Variants in ARHGEF33 observed in about 807,000 individuals in gnomAD.
The protein encoded by ARHGEF33 is DH and coiled-coil domain-containing protein ENSP00000381780.
In ARHGEF33, 72 loss-of-function variants were observed where a neutral mutation model predicts 101.9. The ratio of observed to expected loss-of-function variants is 0.71; its 90% CI spans 0.58 to 0.86. The LOEUF (loss-of-function observed/expected upper bound fraction) is 0.86, where lower values mean the gene tolerates loss of function less well. ARHGEF33 is among the 40% of genes least tolerant of loss of function. The probability of loss-of-function intolerance (pLI) is 0.00; values close to 1 mark genes in which losing one functional copy is unlikely to be tolerated. For missense variants in ARHGEF33, 1,169 were observed against 1,111.3 expected (o/e 1.05, Z -0.74); for synonymous variants, 499 against 442.5 (o/e 1.13, Z -1.60).
In ARHGEF33 at chr2:38,960,575, G is replaced by T. The variant is rs1667904443; in HGVS notation, c.2270G>T (p.Arg757Leu). 2 of 1,290,984 alleles carry T rather than the reference G, an allele frequency of 1.5e-6. No homozygotes were observed. Among genetic ancestry groups the T allele is most frequent in the Non-Finnish European group, 1.0e-6 (1 of 1,000,942 alleles). 80.0% of individuals were successfully genotyped at this position (1,290,984 alleles called of 1,614,324 possible). The change falls in exon 16 of 18, where the codon CGC (arginine) becomes CTC (leucine). Residue 757 changes from arginine to leucine, a missense_variant. Physicochemically the swap from Arg to Leu is moderately radical, Grantham distance 102 (BLOSUM62 -2). Coordinates refer to ENST00000409978, the MANE Select transcript of ARHGEF33 (RefSeq NM_001145451.5). ...HGPAAAAVAA[R>L]GASRTFFPQQ... ...CCGGCCGCCGCCGCCGTCGCCGCCC[G>T]CGGCGCATCCAGGACCTTCTTCCCC...
At position 38,973,867 on chromosome 2, in the gene ARHGEF33, A is replaced by G. The variant is rs1668218034; in HGVS notation, c.*24A>G. The G allele has an allele frequency of 1.5e-5, 23 of 1,529,526 alleles. No individual in the cohort carries two copies. Among genetic ancestry groups the G allele is most frequent in the Non-Finnish European group, 2.0e-5 (23 of 1,136,534 alleles). 94.7% of individuals were successfully genotyped at this position (1,529,526 alleles called of 1,614,324 possible). A position where few individuals can be genotyped will look rare whatever the true frequency, so the allele number is the denominator to read the frequency against. ...AAAACATACTTAAAGTTGTATTGTC[A>G]AGTGGTAAGATGAGGATAAAAAGCT... On this transcript the variant is annotated 3_prime_UTR_variant, in exon 18 of 18. Transcript: ENST00000409978.
At position 38,960,450 on chromosome 2, in the gene ARHGEF33, G is replaced by C. The variant is rs150537996; in HGVS notation, c.2145G>C (p.Ala715=). 2.3e-4 allele frequency: 340 copies of C among 1,494,152 alleles called. 1 individual carries two copies. The African/African-American group carries it at 3.9e-3, about 17-fold the overall frequency. The allele number at this position is 1,494,152 out of a possible 1,614,324, so 92.6% of individuals were successfully genotyped here. The change falls in exon 16 of 18, where the codon GCG becomes GCC. Residue 715 remains alanine, a synonymous_variant. Transcript: ENST00000409978. ...LSRSLKEFPR[A]PPADGVAPRL... is the part of the protein sequence containing the mutation. ...GCTCTCTCAAAGAGTTCCCGCGTGC[G>C]CCGCCAGCCGACGGCGTGGCCCCAC...
rs3085350 is a variant in ARHGEF33 at position 38,955,481 on chromosome 2, C to CTTTTTTTTTTT, written c.1221+1040_1221+1050dup. 3.4e-4 allele frequency among the ~76,000 whole-genome samples: 24 copies of CTTTTTTTTTTT among 71,186 alleles called. 4 individuals carry two copies. The highest frequency in any genetic ancestry group is 5.2e-4 in the East Asian group (1 of 1,914). The allele number at this position is 71,186 out of a possible 152,430, so 46.7% of individuals were successfully genotyped here. On this transcript the variant is annotated intron_variant, in intron 13 of 17. Coordinates refer to ENST00000409978, the MANE Select transcript of ARHGEF33 (RefSeq NM_001145451.5). ...TATCAAAGCATCAATATTGAAAAGA[C>CTTTTTTTTTTT]TTTTTTTTTTTTTTTTTTTTTTTTT...
chr2:38,914,438 C>T (rs575619252), intron 2 of ARHGEF33, among the ~76,000 whole-genome samples: 5 of 152,212 alleles, frequency 3.3e-5, no homozygotes, highest in Non-Finnish European at 1.5e-5. Flanking sequence ...GAGGCTGAGC[C>T]AAGCGGATCA....
intron 2 of ARHGEF33, among the ~76,000 whole-genome samples, chr2:38,897,003 C>T (rs1198281530): frequency 6.6e-6 from 1 of 152,162 alleles, no homozygotes; most frequent in East Asian, 1.9e-4. Flanking sequence ...GCAACCTCCG[C>T]CTCCTGGGTT....
intron 9 of ARHGEF33, among the ~76,000 whole-genome samples, chr2:38,938,740 G>T (rs752246562): frequency 2.5e-4 from 38 of 152,050 alleles, no homozygotes; most frequent in Non-Finnish European, 5.1e-4. Context: ...CACTTTGCCA[G>T]TCAATATCCA....
chr2:38,903,328 C>T (rs549049638), intron 2 of ARHGEF33, among the ~76,000 whole-genome samples: 5 of 151,868 alleles, frequency 3.3e-5, no homozygotes, highest in Admixed American at 2.0e-4. Context: ...TTATATCACA[C>T]GCTAAAGGAA....
chr2:38,970,415 A>G (rs1460721710), intron 17 of ARHGEF33, among the ~76,000 whole-genome samples: 7 of 152,324 alleles, frequency 4.6e-5, no homozygotes, highest in Middle Eastern at 3.4e-3. Flanking sequence ...TATCTCACCT[A>G]TTCTGTCTCC....
chr2:38,958,983 G>C (rs910472131), intron 15 of ARHGEF33, among the ~76,000 whole-genome samples: 3 of 152,234 alleles, frequency 2.0e-5, no homozygotes, highest in Non-Finnish European at 4.4e-5. Flanking sequence ...GACCTCAGGC[G>C]ATCCGTCTGC....
chr2:38,934,644 C>A (rs1220827151), intron 7 of ARHGEF33, among the ~76,000 whole-genome samples: 1 of 51,474 alleles, frequency 1.9e-5, no homozygotes, highest in Non-Finnish European at 3.7e-5. Flanking sequence ...TCCCTCCCCC[C>A]TCTCTCCCGC....
At chr2:38,953,727 A>C (rs2124416025) in intron 12 of ARHGEF33, among the ~76,000 whole-genome samples, 1 of 152,338 alleles carries the variant, frequency 6.6e-6, no homozygotes, top group East Asian at 1.9e-4. Context: ...CTTCAGATCA[A>C]TAGGAAAAAA....
intron 10 of ARHGEF33, among the ~76,000 whole-genome samples, chr2:38,947,868 A>C (rs1405471072): frequency 6.6e-6 from 1 of 152,138 alleles, no homozygotes; most frequent in African/African-American, 2.4e-5. Context: ...ATGCCCATCC[A>C]GGGTGGCGGG....
intron 4 of ARHGEF33, among the ~76,000 whole-genome samples, chr2:38,922,324 G>A (rs1666776078): frequency 6.6e-6 from 1 of 152,064 alleles, no homozygotes. Context: ...TTAAGCCCTG[G>A]TAACTAGGAA....
At position 38,929,739 on chromosome 2, in the gene ARHGEF33, C is replaced by T; in HGVS notation, c.271C>T (p.Gln91Ter). 2 of 1,551,620 alleles carry T rather than the reference C, an allele frequency of 1.3e-6. No homozygotes were observed. Among genetic ancestry groups the T allele is most frequent in the Non-Finnish European group, 1.7e-6 (2 of 1,146,724 alleles). The stretch of plus-strand genomic sequence containing the variant: ...GCTGAGCAATGCCATGTCGATGATC[C>T]AAGCCATCACTTCCAAACAAGAAGA... The part of the protein sequence containing the change: ...EELSNAMSMI[Q>*]AITSKQEEMQ... Residue 91 changes from glutamine to a stop codon, truncating the protein, a stop_gained, in exon 6 of 18, where the codon CAA (glutamine) becomes TAA (stop). Coordinates refer to ENST00000409978, the MANE Select transcript of ARHGEF33 (RefSeq NM_001145451.5). LOFTEE classifies it high-confidence loss of function.
At chr2:38,966,751 G>A (rs995912736) in intron 17 of ARHGEF33, among the ~76,000 whole-genome samples, 3 of 152,150 alleles carry the variant, frequency 2.0e-5, no homozygotes, top group East Asian at 1.9e-4. Flanking sequence ...ATTCTAAGTC[G>A]TTGTTGTGTA....
At chr2:38,969,162 C>T (rs1261028979) in intron 17 of ARHGEF33, among the ~76,000 whole-genome samples, 1 of 152,150 alleles carries the variant, frequency 6.6e-6, no homozygotes, top group Non-Finnish European at 1.5e-5. Context: ...AGGAAGGAAC[C>T]AGAAGAGACA....
intron 4 of ARHGEF33, among the ~76,000 whole-genome samples, chr2:38,926,403 T>TACAA (rs1666869830): frequency 2.0e-5 from 3 of 152,268 alleles, no homozygotes; most frequent in African/African-American, 7.2e-5. Flanking sequence ...GGTCGGTAGT[T>TACAA]GAAAACCGCT....
rs570892951 is a variant in ARHGEF33, at chr2:38,946,624, A to C, written c.920+2594A>C. Among the ~76,000 whole-genome samples the C allele has an allele frequency of 1.3e-3, 193 of 151,784 alleles. 1 individual carries two copies. The highest frequency in any genetic ancestry group is 2.1e-3 in the Non-Finnish European group (145 of 67,930). On this transcript the variant is annotated intron_variant, in intron 10 of 17. Transcript: ENST00000409978. ...TTCCTGAAACCTCTGTGTGTACTTT[A>C]TTTCTTTCTTTATTTTTTTGAGGCA...
intron 2 of ARHGEF33, among the ~76,000 whole-genome samples, chr2:38,896,936 G>A (rs1294851100): frequency 6.6e-6 from 1 of 151,514 alleles, no homozygotes; most frequent in Non-Finnish European, 1.5e-5. Context: ...CTTTTTTTGA[G>A]ACTGAGTCTC....
Sources: gnomAD v4.1 joint callset for allele counts (sites outside exome capture counted in the v4.1 genomes callset) on GRCh38, gnomAD v4.1.1 for gene constraint, MANE v1.5 for transcripts, NCBI Gene and HGNC (gene_info 2026-07-23, HGNC 2026-07-21) for gene names.